TRMT11: variants seen among roughly 807,000 people sequenced by gnomAD.
The protein encoded by TRMT11 is tRNA (guanine(10)-N(2))-methyltransferase TRMT11.
In TRMT11, 53 loss-of-function variants were observed where a neutral mutation model predicts 62.8. That is an observed-to-expected ratio of 0.84 (90% confidence interval 0.68 to 1.06). The LOEUF (loss-of-function observed/expected upper bound fraction) is 1.06. Among genes scored for constraint, TRMT11 ranks in the 50% least tolerant of loss-of-function variants. The pLI is 0.00. For missense variants in TRMT11, 556 were observed against 553.4 expected (o/e 1.00, Z -0.05); for synonymous variants, 188 against 190.3 (o/e 0.99, Z 0.10).
chr6:126,094,027 C>T (rs1583873137), intron 17 of TRMT11, among the ~76,000 whole-genome samples: 3 of 151,886 alleles, frequency 2.0e-5, no homozygotes, highest in South Asian at 4.2e-4. Context: ...CAGAGTAATG[C>T]GTTCTTGAGC....
At chr6:126,257,754 C>T in the TRMT11 span, among the ~76,000 whole-genome samples, 14 of 152,108 alleles carry the variant, frequency 9.2e-5, no homozygotes, top group African/African-American at 1.4e-4. Flanking sequence ...AAAGTCTCAT[C>T]GGTTTAATAA....
rs544581936 is a variant in TRMT11, at chr6:126,106,910, C to T, written c.*1438-5956C>T. Among the ~76,000 whole-genome samples, 45 of 143,148 alleles carry T rather than the reference C, an allele frequency of 3.1e-4. No homozygotes were observed. In the East Asian group the frequency reaches 5.1e-3, roughly 16 times the overall value. 93.9% of individuals were successfully genotyped at this position (143,148 alleles called of 152,430 possible). A position where few individuals can be genotyped will look rare whatever the true frequency, so the allele number is the denominator to read the frequency against. On this transcript the variant is annotated intron_variant and NMD_transcript_variant, in intron 17 of 22. Transcript: ENST00000648977. ...ATTCTGGCCACTGCACTCCAGCATG[C>T]GTAACAGAGAGTGACCTCTCTCTCT...
chr6:126,162,098 C>G (rs899052106), intron 21 of TRMT11, among the ~76,000 whole-genome samples: 2 of 152,034 alleles, frequency 1.3e-5, no homozygotes, highest in African/African-American at 4.8e-5. Flanking sequence ...GCTTTTGTTG[C>G]CGTTGCTTTT....
chr6:126,061,356 A>T (rs1454587942), intron 17 of TRMT11, among the ~76,000 whole-genome samples: 1 of 152,224 alleles, frequency 6.6e-6, no homozygotes, highest in Admixed American at 6.5e-5. Context: ...AAAGATAGCT[A>T]AAGTCATTAA....
intron 16 of TRMT11, among the ~76,000 whole-genome samples, chr6:126,050,698 CAA>C (rs756418149): frequency 1.5e-5 from 2 of 129,540 alleles, no homozygotes; most frequent in Non-Finnish European, 3.4e-5. Context: ...GATGTGGTCT[CAA>C]AAAAAAAAAA....
chr6:126,246,452 G>A, the TRMT11 span, among the ~76,000 whole-genome samples: 1 of 152,190 alleles, frequency 6.6e-6, no homozygotes, highest in Admixed American at 6.5e-5. Context: ...AAAACATAGT[G>A]TGAATGATAA....
At chr6:126,041,651 G>C (rs1444335262), downstream of TRMT11, among the ~76,000 whole-genome samples, 2 of 152,068 alleles carry the variant, frequency 1.3e-5, no homozygotes, top group African/African-American at 4.8e-5. Context: ...GTGGAACTAG[G>C]CTCATGTTAA....
At chr6:126,244,802 T>C in the TRMT11 span, among the ~76,000 whole-genome samples, 1 of 152,206 alleles carries the variant, frequency 6.6e-6, no homozygotes, top group Admixed American at 6.5e-5. Flanking sequence ...TTTGATATCC[T>C]TGACTAGTGG....
At position 126,008,490 on chromosome 6, in the gene TRMT11, A is replaced by G; in HGVS notation, c.760+18A>G. ...TGGCTTGGGTGAGTAGAGATTATAG[A>G]CAGTATTATAGTCATTGCTGTGGTG... is the stretch of plus-strand genomic sequence containing the variant. On this transcript the variant is annotated intron_variant, in intron 8 of 12. Transcript: ENST00000334379. 6.3e-7 allele frequency: 1 copy of G among 1,597,698 alleles called. No individual in the cohort carries two copies. The highest frequency in any genetic ancestry group is 8.6e-7 in the Non-Finnish European group (1 of 1,165,356).
upstream of TRMT11, among the ~76,000 whole-genome samples, chr6:126,174,231 A>C (rs17053805): frequency 0.11 from 16,065 of 152,132 alleles, 2,806 homozygotes; most frequent in African/African-American, 0.36. Context: ...TTTATTTTAC[A>C]AACTCTAAAC....
intron 12 of TRMT11, among the ~76,000 whole-genome samples, chr6:126,037,870 C>T (rs536683568): frequency 6.6e-6 from 1 of 152,020 alleles, no homozygotes; most frequent in South Asian, 2.1e-4. Flanking sequence ...AAAAATTAGG[C>T]TTCATGTTTT....
the TRMT11 span, among the ~76,000 whole-genome samples, chr6:126,244,800 C>A: frequency 6.6e-6 from 1 of 152,150 alleles, no homozygotes. Flanking sequence ...TATTTGATAT[C>A]CTTGACTAGT....
At chr6:126,098,651 G>T (rs1424952503) in intron 17 of TRMT11, among the ~76,000 whole-genome samples, 2 of 152,188 alleles carry the variant, frequency 1.3e-5, no homozygotes, top group East Asian at 3.8e-4. Flanking sequence ...TGTGAAATGA[G>T]ATTGGCGGGG....
intron 17 of TRMT11, among the ~76,000 whole-genome samples, chr6:126,110,970 T>G (rs962783536): frequency 2.0e-5 from 3 of 152,064 alleles, no homozygotes; most frequent in African/African-American, 7.2e-5. Context: ...ATAATGCATT[T>G]TCAGAAAAAT....
At chr6:126,040,746 A>G (rs909420614), downstream of TRMT11, among the ~76,000 whole-genome samples, 2 of 152,076 alleles carry the variant, frequency 1.3e-5, no homozygotes, top group African/African-American at 4.8e-5. Flanking sequence ...TAATATGACA[A>G]AATGTATAAT....
chr6:126,046,598 T>C (rs1320261016), intron 16 of TRMT11, among the ~76,000 whole-genome samples: 1 of 152,126 alleles, frequency 6.6e-6, no homozygotes, highest in African/African-American at 2.4e-5. Context: ...CATCTGAATA[T>C]GCTGGGGGAC....
the TRMT11 span, among the ~76,000 whole-genome samples, chr6:126,221,993 C>T: frequency 1.4e-4 from 22 of 152,064 alleles, no homozygotes; most frequent in South Asian, 4.2e-3. Flanking sequence ...TTGTAAAAGG[C>T]GAAAGGAAAG....
chr6:126,119,276 C>G (rs950608042), intron 21 of TRMT11, among the ~76,000 whole-genome samples: 2 of 152,034 alleles, frequency 1.3e-5, no homozygotes, highest in African/African-American at 4.8e-5. Flanking sequence ...TCATGGTTGC[C>G]TATGTGGTGT....
chr6:126,000,139 G>A (rs1239675535), intron 7 of TRMT11, among the ~76,000 whole-genome samples: 1 of 152,156 alleles, frequency 6.6e-6, no homozygotes, highest in Non-Finnish European at 1.5e-5. Flanking sequence ...GGGCTAGATA[G>A]CCTGGTCACT....
Sources: allele counts gnomAD v4.1 joint callset (sites outside exome capture counted in the v4.1 genomes callset), GRCh38; gene constraint gnomAD v4.1.1; transcripts MANE v1.5; gene names NCBI Gene and HGNC (gene_info 2026-07-23, HGNC 2026-07-21).